Variants in PACSIN2 observed in about 807,000 individuals in gnomAD.
PACSIN2 encodes protein kinase C and casein kinase substrate in neurons 2.
In PACSIN2, 25 loss-of-function variants were observed where a neutral mutation model predicts 63.8. The observed-to-expected ratio is 0.39, with a 90% CI of 0.29 to 0.55. PACSIN2 has a LOEUF of 0.55. Among genes scored for constraint, PACSIN2 ranks in the 20% least tolerant of loss-of-function variants. The pLI is 0.62. For missense variants in PACSIN2, 518 were observed against 646.9 expected, an observed-to-expected ratio of 0.80 and a Z score of 2.16; for synonymous variants, 255 against 256.2, an observed-to-expected ratio of 1.00 and a Z score of 0.05.
chr22:42,923,218 A>G (rs1932309541), intron 1 of PACSIN2, among the ~76,000 whole-genome samples: 1 of 152,192 alleles, frequency 6.6e-6, no homozygotes, highest in African/African-American at 2.4e-5. Context: ...AGCTGTATGC[A>G]CTGTTGCATG....
chr22:42,949,925 G>C (rs771765120), intron 1 of PACSIN2, among the ~76,000 whole-genome samples: 5 of 152,128 alleles, frequency 3.3e-5, no homozygotes, highest in Non-Finnish European at 4.4e-5. Flanking sequence ...TTTACTTTCT[G>C]AGTGCCAGAA....
intron 1 of PACSIN2, among the ~76,000 whole-genome samples, chr22:42,969,040 T>TGTCTCC (rs1375546243): frequency 2.1e-5 from 3 of 142,484 alleles, no homozygotes; most frequent in Admixed American, 7.3e-5. Context: ...CTTATCTATC[T>TGTCTCC]ATCTCCATCC....
chr22:42,882,964 T>C (rs1425105574), intron 6 of PACSIN2, among the ~76,000 whole-genome samples: 1 of 152,194 alleles, frequency 6.6e-6, no homozygotes, highest in Non-Finnish European at 1.5e-5. Flanking sequence ...AAGGGTTGAA[T>C]TGTGTCCTTC....
rs1929676305 is a variant in PACSIN2 at position 42,888,751 on chromosome 22, C to T, written c.501G>A (p.Lys167=). ...TGTTGGCTTCTCGTGAGATAGCCAG[C>T]TTCTCCTCTTTGCACGCTGCATGGT... ...KAHHAACKEE[K]LAISREANSK... The change falls in exon 5 of 11, where the codon AAG becomes AAA. Residue 167 remains lysine (K), a synonymous_variant. Transcript: ENST00000263246. 6.2e-7 allele frequency: 1 copy of T among 1,614,088 alleles called. No individual in the cohort carries two copies. The highest frequency in any genetic ancestry group is 8.5e-7 in the Non-Finnish European group (1 of 1,180,028).
chr22:42,890,144 G>C (rs764610903), intron 4 of PACSIN2, among the ~76,000 whole-genome samples: 6 of 151,906 alleles, frequency 3.9e-5, no homozygotes, highest in Non-Finnish European at 8.8e-5. Flanking sequence ...TGGAACTACA[G>C]GTGCCCGCCA....
chr22:42,968,606 G>C (rs538596363), intron 1 of PACSIN2, among the ~76,000 whole-genome samples: 1 of 152,314 alleles, frequency 6.6e-6, no homozygotes, highest in South Asian at 2.1e-4. Context: ...TTTGGGGTGT[G>C]TCCATGGGGC....
chr22:42,891,196 A>T lies in PACSIN2; in HGVS notation c.218-14T>A. 6.3e-7 allele frequency: 1 copy of T among 1,591,900 alleles called. No homozygotes were observed. Among genetic ancestry groups the T allele is most frequent in the East Asian group, 2.2e-5 (1 of 44,728 alleles). ...CGTACTGGGGCCCTGTGCAGGGGAGAGAAGCTGCGGGTCACTCAGCGCCGG... is the reference window on the plus strand; with the variant it reads ...CGTACTGGGGCCCTGTGCAGGGGAGTGAAGCTGCGGGTCACTCAGCGCCGG... On this transcript the variant is annotated splice_polypyrimidine_tract_variant and intron_variant, in intron 3 of 10. Transcript: ENST00000263246.
intron 1 of PACSIN2, among the ~76,000 whole-genome samples, chr22:42,964,000 G>A (rs1016501263): frequency 1.3e-5 from 2 of 152,144 alleles, no homozygotes; most frequent in African/African-American, 4.8e-5. Flanking sequence ...ACAGGTGTGT[G>A]CAACCATCAC....
intron 7 of PACSIN2, chr22:42,880,709 A>C (rs1243108675): frequency 2.6e-5 from 4 of 152,248 alleles, no homozygotes; most frequent in Non-Finnish European, 5.9e-5. Context: ...GAATGAATGC[A>C]CAGGGGCTGG....
At chr22:42,990,090 A>G (rs1285932423) in intron 1 of PACSIN2, among the ~76,000 whole-genome samples, 2 of 137,312 alleles carry the variant, frequency 1.5e-5, no homozygotes, top group African/African-American at 5.4e-5. Context: ...GTGTGTATAT[A>G]TGTAAGATGT....
At chr22:42,922,372 T>A (rs1435617916) in intron 1 of PACSIN2, among the ~76,000 whole-genome samples, 1 of 152,120 alleles carries the variant, frequency 6.6e-6, no homozygotes, top group African/African-American at 2.4e-5. Context: ...GGTCATTTTT[T>A]AGGCCAAAAG....
chr22:42,938,856 A>C (rs1933024754), intron 1 of PACSIN2, among the ~76,000 whole-genome samples: 1 of 152,112 alleles, frequency 6.6e-6, no homozygotes, highest in Non-Finnish European at 1.5e-5. Context: ...CGAGGTGGAG[A>C]AGGTAAAAAT....
chr22:42,943,277 A>G (rs1171403440), intron 1 of PACSIN2, among the ~76,000 whole-genome samples: 1 of 152,196 alleles, frequency 6.6e-6, no homozygotes, highest in Non-Finnish European at 1.5e-5. Flanking sequence ...ATTAATTCTA[A>G]GAGTTTTTTT....
intron 1 of PACSIN2, among the ~76,000 whole-genome samples, chr22:42,914,641 G>A (rs1218791008): frequency 6.6e-6 from 1 of 152,190 alleles, no homozygotes; most frequent in Non-Finnish European, 1.5e-5. Flanking sequence ...GCTTCTCAGG[G>A]AATAGCAGGG....
intron 1 of PACSIN2, among the ~76,000 whole-genome samples, chr22:42,958,792 G>A (rs1158827004): frequency 6.6e-6 from 1 of 152,166 alleles, no homozygotes; most frequent in Non-Finnish European, 1.5e-5. Context: ...ATTTTCTGGA[G>A]GACGGAGAGA....
At chr22:42,969,662 G>T (rs1200065632) in intron 1 of PACSIN2, among the ~76,000 whole-genome samples, 1 of 152,116 alleles carries the variant, frequency 6.6e-6, no homozygotes, top group Non-Finnish European at 1.5e-5. Flanking sequence ...AACTAGGTCA[G>T]GCACAGTGGT....
chr22:42,926,144 A>C (rs1932518867), intron 1 of PACSIN2, among the ~76,000 whole-genome samples: 1 of 152,230 alleles, frequency 6.6e-6, no homozygotes, highest in Non-Finnish European at 1.5e-5. Context: ...TCAAAGGAAG[A>C]GATAAGAGAT....
chr22:42,917,489 C>T (rs1336002007), intron 1 of PACSIN2, among the ~76,000 whole-genome samples: 1 of 152,060 alleles, frequency 6.6e-6, no homozygotes, highest in East Asian at 1.9e-4. Flanking sequence ...GTGGCACGCA[C>T]CTGTGGTCCC....
intron 2 of PACSIN2, among the ~76,000 whole-genome samples, chr22:42,896,837 T>G (rs933331581): frequency 1.3e-5 from 2 of 152,260 alleles, no homozygotes; most frequent in African/African-American, 4.8e-5. Flanking sequence ...GTAGCAATAT[T>G]GCATTGTGAT....
Sources: allele counts gnomAD v4.1 joint callset (sites outside exome capture counted in the v4.1 genomes callset), GRCh38; gene constraint gnomAD v4.1.1; transcripts MANE v1.5; gene names NCBI Gene and HGNC (gene_info 2026-07-23, HGNC 2026-07-21).